Variants in IGSF21 observed in about 807,000 individuals in gnomAD.
The protein encoded by IGSF21 is immunoglobulin superfamily member 21.
IGSF21 carries 28 observed loss-of-function variants against 46.8 expected under a neutral mutation model. That is an observed-to-expected ratio of 0.60 (90% confidence interval 0.44 to 0.82). The LOEUF is 0.82. IGSF21 is among the 40% of genes least tolerant of loss of function. The probability of loss-of-function intolerance (pLI) is 0.00; values close to 1 mark genes in which losing one functional copy is unlikely to be tolerated. For missense variants in IGSF21, 624 were observed against 665.5 expected (o/e 0.94, Z 0.69); for synonymous variants, 284 against 273.6 (o/e 1.04, Z -0.38).
At chr1:18,125,944 G>A (rs2086271612) in intron 1 of IGSF21, among the ~76,000 whole-genome samples, 1 of 152,168 alleles carries the variant, frequency 6.6e-6, no homozygotes, top group Non-Finnish European at 1.5e-5. Flanking sequence ...AAATGTTCAG[G>A]AAAAAGGAGG....
chr1:18,143,506 A>T (rs1487204365), intron 1 of IGSF21, among the ~76,000 whole-genome samples: 1 of 152,126 alleles, frequency 6.6e-6, no homozygotes, highest in Non-Finnish European at 1.5e-5. Context: ...TGCCCATGGC[A>T]TGGGTTTCTA....
chr1:18,281,881 T>C (rs1166512482), intron 2 of IGSF21, among the ~76,000 whole-genome samples: 1 of 152,124 alleles, frequency 6.6e-6, no homozygotes, highest in Admixed American at 6.5e-5. Flanking sequence ...GGTGAACCTG[T>C]GCTTTTAGGG....
chr1:18,168,167 G>C (rs1014524243), intron 1 of IGSF21, among the ~76,000 whole-genome samples: 1 of 152,148 alleles, frequency 6.6e-6, no homozygotes, highest in Admixed American at 6.5e-5. Context: ...GAGGGTCTCT[G>C]TTGCTGCCAG....
chr1:18,279,919 G>A (rs540445317), intron 2 of IGSF21, among the ~76,000 whole-genome samples: 1 of 152,364 alleles, frequency 6.6e-6, no homozygotes, highest in Non-Finnish European at 1.5e-5. Context: ...ATTGTGCACA[G>A]CGCCTGCTAA....
At chr1:18,273,730 T>C (rs1557618859) in intron 2 of IGSF21, among the ~76,000 whole-genome samples, 1 of 151,842 alleles carries the variant, frequency 6.6e-6, no homozygotes, top group Non-Finnish European at 1.5e-5. Context: ...TTCCTTATAA[T>C]AGAAACCAAC....
intron 4 of IGSF21, chr1:18,361,377 G>A (rs562800132): frequency 3.4e-4 from 52 of 152,366 alleles, no homozygotes; most frequent in African/African-American, 1.3e-3. Context: ...TTTTTGTGAT[G>A]TGAAGATACT....
At chr1:18,303,584 AGTTAGTTCCGAT>A (rs1189759716) in intron 3 of IGSF21, among the ~76,000 whole-genome samples, 2 of 152,204 alleles carry the variant, frequency 1.3e-5, no homozygotes, top group Non-Finnish European at 2.9e-5. Flanking sequence ...AGTAATGGGA[AGTTAGTTCCGAT>A]GTTGAATGCA....
chr1:18,199,743 G>C (rs547707611), intron 1 of IGSF21, among the ~76,000 whole-genome samples: 4 of 151,914 alleles, frequency 2.6e-5, no homozygotes, highest in South Asian at 2.1e-4. Context: ...TTATTTAATC[G>C]CTTCCATTGT....
intron 6 of IGSF21, among the ~76,000 whole-genome samples, chr1:18,367,351 C>T (rs1293502380): frequency 6.6e-6 from 1 of 152,084 alleles, no homozygotes; most frequent in Non-Finnish European, 1.5e-5. Context: ...TCCTCACAAG[C>T]ACAAGTTGGC....
At chr1:18,258,736 A>C (rs1315179362) in intron 2 of IGSF21, among the ~76,000 whole-genome samples, 2 of 152,194 alleles carry the variant, frequency 1.3e-5, no homozygotes, top group Non-Finnish European at 2.9e-5. Context: ...TTTCTTCATC[A>C]ATAAAATGGG....
rs969046471 is a variant in IGSF21 at position 18,229,971 on chromosome 1, C to T, written c.183+1961C>T. ...GACCCAGTGGGAACAGTTAATGGAG[C>T]GAAATGGAAGGAAGTTTGGAGATGG... is the stretch of plus-strand genomic sequence containing the variant. On this transcript the variant is annotated intron_variant, in intron 2 of 9. Transcript: ENST00000251296. 5.3e-5 allele frequency among the ~76,000 whole-genome samples: 8 copies of T among 152,308 alleles called. No individual in the cohort carries two copies. The East Asian group carries it at 7.7e-4, about 15-fold the overall frequency.
At chr1:18,341,614 A>T (rs12403407) in intron 4 of IGSF21, among the ~76,000 whole-genome samples, 7,647 of 152,270 alleles carry the variant, frequency 0.05, 297 homozygotes, top group Admixed American at 0.11. Context: ...CTGCAAGGTG[A>T]GTACTATCAC....
intron 6 of IGSF21, among the ~76,000 whole-genome samples, chr1:18,369,828 C>G (rs11582486): frequency 3.3e-5 from 5 of 152,218 alleles, no homozygotes; most frequent in Non-Finnish European, 5.9e-5. Context: ...CTCCCCCAAC[C>G]CTTTGAGCTG....
intron 1 of IGSF21, among the ~76,000 whole-genome samples, chr1:18,196,502 G>GTCTGTC (rs769072858): frequency 6.6e-6 from 1 of 152,192 alleles, no homozygotes; most frequent in Non-Finnish European, 1.5e-5. Flanking sequence ...AGAGCCCAGG[G>GTCTGTC]TCTGTCCTCA....
At chr1:18,299,339 G>A (rs746866607) in intron 3 of IGSF21, among the ~76,000 whole-genome samples, 1 of 152,206 alleles carries the variant, frequency 6.6e-6, no homozygotes. Context: ...GAGCAGAGGG[G>A]TTTGTTTCCC....
rs35019096 is a variant in IGSF21, at chr1:18,367,603, CTTTTT to C, written c.1015+1924_1015+1928del. On this transcript the variant is annotated intron_variant, in intron 6 of 9. Transcript: ENST00000251296. ...GACCTTTGATATTCTCTCTCTCTCT[CTTTTT>C]TTTTTTTTTTTTTTTTTGACAGAGT... 3.7e-4 allele frequency among the ~76,000 whole-genome samples: 27 copies of C among 73,960 alleles called. No individual in the cohort carries two copies. The South Asian group carries it at 6.6e-3, about 18-fold the overall frequency. The allele number at this position is 73,960 out of a possible 152,430, so 48.5% of individuals were successfully genotyped here.
At chr1:18,319,264 G>A (rs1039433545) in intron 3 of IGSF21, among the ~76,000 whole-genome samples, 2 of 152,160 alleles carry the variant, frequency 1.3e-5, no homozygotes, top group African/African-American at 4.8e-5. Context: ...TTCCAGCTAG[G>A]AGGAAGCAGG....
intron 1 of IGSF21, among the ~76,000 whole-genome samples, chr1:18,162,844 C>A (rs1570283351): frequency 6.6e-6 from 1 of 151,984 alleles, no homozygotes; most frequent in Non-Finnish European, 1.5e-5. Context: ...TAAACCAGGC[C>A]AAAAGGAAGG....
intron 1 of IGSF21, among the ~76,000 whole-genome samples, chr1:18,116,873 A>T (rs867390581): frequency 1.3e-5 from 2 of 152,326 alleles, no homozygotes; most frequent in Middle Eastern, 3.4e-3. Flanking sequence ...CAGCACATGC[A>T]AAGGGCTGGG....
Sources: allele counts gnomAD v4.1 joint callset (sites outside exome capture counted in the v4.1 genomes callset), GRCh38; gene constraint gnomAD v4.1.1; transcripts MANE v1.5; gene names NCBI Gene and HGNC (gene_info 2026-07-23, HGNC 2026-07-21).